The following MALRD1 variants were observed in gnomAD, a reference collection of about 807,000 sequenced individuals.
MALRD1 encodes MAM and LDL receptor class A domain containing 1.
A neutral mutation model predicts 242.1 loss-of-function variants in MALRD1; 247 were observed. The observed-to-expected ratio is 1.02, with a 90% CI of 0.92 to 1.13. The LOEUF is 1.13. Among genes scored for constraint, MALRD1 ranks in the 50% most tolerant of loss-of-function variants. The pLI, the probability that MALRD1 is intolerant of heterozygous loss-of-function variation, is 0.00. For synonymous variants in MALRD1, 995 were observed against 866.6 expected, an observed-to-expected ratio of 1.15 and a Z score of -2.60; for missense variants, 2,989 against 2,533.1, an observed-to-expected ratio of 1.18 and a Z score of -3.86.
intron 13 of MALRD1, among the ~76,000 whole-genome samples, chr10:19,166,407 G>C (rs956415519): frequency 3.9e-5 from 6 of 152,282 alleles, no homozygotes; most frequent in African/African-American, 1.2e-4. Flanking sequence ...GAGAATGGTG[G>C]TTACTAGAGG....
intron 2 of MALRD1, among the ~76,000 whole-genome samples, chr10:19,068,675 G>C (rs570302645): frequency 6.6e-6 from 1 of 152,128 alleles, no homozygotes. Context: ...AAGTAAGCAA[G>C]TGTTCTGGCT....
intron 36 of MALRD1, among the ~76,000 whole-genome samples, chr10:19,672,818 A>G (rs1841985337): frequency 6.6e-6 from 1 of 152,172 alleles, no homozygotes; most frequent in Non-Finnish European, 1.5e-5. Context: ...CATTTTTGAG[A>G]TAATTCACCA....
intron 19 of MALRD1, among the ~76,000 whole-genome samples, chr10:19,276,295 A>C (rs1021008856): frequency 6.7e-5 from 7 of 105,144 alleles, no homozygotes; most frequent in Non-Finnish European, 9.9e-5. Flanking sequence ...ATGCATTTTA[A>C]TTATATATAT....
intron 29 of MALRD1, among the ~76,000 whole-genome samples, chr10:19,468,759 A>G (rs1836351126): frequency 6.6e-6 from 1 of 152,026 alleles, no homozygotes; most frequent in African/African-American, 2.4e-5. Flanking sequence ...TCTTTACAAG[A>G]TCCCAGAAAA....
chr10:19,152,595 G>A (rs930819076), intron 11 of MALRD1, among the ~76,000 whole-genome samples: 6 of 151,754 alleles, frequency 4.0e-5, no homozygotes, highest in Non-Finnish European at 8.8e-5. Context: ...TTGCTATCAG[G>A]AGTTGGACAT....
chr10:19,453,320 A>G (rs1024745658), intron 29 of MALRD1, among the ~76,000 whole-genome samples: 21 of 152,218 alleles, frequency 1.4e-4, no homozygotes, highest in African/African-American at 5.1e-4. Context: ...AGACAAATGT[A>G]TAGAGACAGA....
chr10:19,125,571 T>C (rs937148027), intron 7 of MALRD1, among the ~76,000 whole-genome samples: 7 of 151,266 alleles, frequency 4.6e-5, no homozygotes, highest in Non-Finnish European at 1.0e-4. Flanking sequence ...GTGAGTATTG[T>C]TACATTTTTA....
At chr10:19,524,123 GACA>G (rs1292426228) in intron 31 of MALRD1, among the ~76,000 whole-genome samples, 1 of 152,004 alleles carries the variant, frequency 6.6e-6, no homozygotes, top group African/African-American at 2.4e-5. Flanking sequence ...TTTCCATTCT[GACA>G]ACTTTGAGGA....
intron 28 of MALRD1, among the ~76,000 whole-genome samples, chr10:19,430,374 C>G (rs1834077948): frequency 6.6e-6 from 1 of 151,854 alleles, no homozygotes; most frequent in Non-Finnish European, 1.5e-5. Context: ...CTCGGCCTCC[C>G]AAAGCGCTGG....
intron 33 of MALRD1, among the ~76,000 whole-genome samples, chr10:19,581,228 T>A (rs927540762): frequency 1.4e-5 from 2 of 141,456 alleles, no homozygotes; most frequent in Admixed American, 7.1e-5. Flanking sequence ...TTTATTTATT[T>A]ATTATTATAC....
intron 21 of MALRD1, among the ~76,000 whole-genome samples, chr10:19,289,778 A>G (rs1349862285): frequency 1.3e-5 from 2 of 152,284 alleles, no homozygotes; most frequent in East Asian, 3.9e-4. Flanking sequence ...TCTCTCAGGC[A>G]TCTTGCTATA....
intron 31 of MALRD1, among the ~76,000 whole-genome samples, chr10:19,516,597 C>G (rs747479928): frequency 1.3e-5 from 2 of 151,836 alleles, no homozygotes; most frequent in Non-Finnish European, 2.9e-5. Context: ...TTCATTTGTT[C>G]AATTTTCAAA....
rs528863899 is a variant in MALRD1 at position 19,732,245 on chromosome 10, C to T, written c.6390+1464C>T. Among the ~76,000 whole-genome samples, 46 of 152,152 alleles carry T rather than the reference C, an allele frequency of 3.0e-4. No homozygotes were observed. In the East Asian group the frequency reaches 7.3e-3, roughly 24 times the overall value. Reference sequence around the variant, plus strand: ...TAATATAAATATATTTTCATTTTTACTGGAGAAAGAAAATCTATTATTTAT... The same window carrying T: ...TAATATAAATATATTTTCATTTTTATTGGAGAAAGAAAATCTATTATTTAT... On this transcript the variant is annotated intron_variant, in intron 39 of 39. Transcript: ENST00000454679.
chr10:19,501,333 T>G (rs1837958611), intron 31 of MALRD1, among the ~76,000 whole-genome samples: 1 of 152,184 alleles, frequency 6.6e-6, no homozygotes, highest in African/African-American at 2.4e-5. Flanking sequence ...GAAGCACTCC[T>G]CTTTCTAATT....
At position 19,665,402 on chromosome 10, in the gene MALRD1, G is replaced by A. The variant is rs370548892; in HGVS notation, c.6138-26880G>A. ...CCATCTTTCTTCCGGTGATAAGGTC[G>A]TTTTCCCATTTCTCGTACCAGAAGC... On this transcript the variant is annotated intron_variant, in intron 36 of 39. Coordinates refer to ENST00000454679, the MANE Select transcript of MALRD1 (RefSeq NM_001142308.3). Among the ~76,000 whole-genome samples the A allele has an allele frequency of 9.9e-5, 15 of 152,180 alleles. No individual in the cohort carries two copies. The East Asian group carries it at 2.3e-3, about 24-fold the overall frequency.
intron 32 of MALRD1, among the ~76,000 whole-genome samples, chr10:19,535,847 G>T (rs952862846): frequency 1.8e-4 from 27 of 152,218 alleles, no homozygotes; most frequent in African/African-American, 6.5e-4. Flanking sequence ...AGCAAATGTG[G>T]CTCCAGAGTA....
At chr10:19,509,295 G>T (rs985753018) in intron 31 of MALRD1, among the ~76,000 whole-genome samples, 2 of 152,184 alleles carry the variant, frequency 1.3e-5, no homozygotes, top group African/African-American at 4.8e-5. Flanking sequence ...GCAAGTTAGA[G>T]AAATTATCTG....
At chr10:19,684,576 C>T (rs1327592391) in intron 36 of MALRD1, among the ~76,000 whole-genome samples, 3 of 151,986 alleles carry the variant, frequency 2.0e-5, no homozygotes, top group Admixed American at 6.6e-5. Flanking sequence ...GTCAACATGG[C>T]GAAACCCCGT....
intron 36 of MALRD1, among the ~76,000 whole-genome samples, chr10:19,622,175 A>AC: frequency 6.8e-6 from 1 of 147,070 alleles, no homozygotes; most frequent in Admixed American, 6.9e-5. Context: ...AATAAGAAAA[A>AC]AAAATTATTA....
Sources: gnomAD v4.1 joint callset for allele counts (sites outside exome capture counted in the v4.1 genomes callset) on GRCh38, gnomAD v4.1.1 for gene constraint, MANE v1.5 for transcripts, NCBI Gene and HGNC (gene_info 2026-07-23, HGNC 2026-07-21) for gene names.